SMARCAL1: variants seen among roughly 807,000 people sequenced by gnomAD.
SMARCAL1 encodes the protein SNF2 related chromatin remodeling annealing helicase 1.
In SMARCAL1, 58 loss-of-function variants were observed where a neutral mutation model predicts 94.5. That is an observed-to-expected ratio of 0.61 (90% CI 0.50 to 0.76). SMARCAL1 has a LOEUF of 0.76. Among genes scored for constraint, SMARCAL1 ranks in the 30% least tolerant of loss-of-function variants. The pLI, the probability that SMARCAL1 is intolerant of heterozygous loss-of-function variation, is 0.00. For missense variants in SMARCAL1, 1,051 were observed against 1,177.9 expected (o/e 0.89, Z 1.58); for synonymous variants, 422 against 455.1 (o/e 0.93, Z 0.93).
intron 12 of SMARCAL1, chr2:216,451,698 T>G (rs1334422581): frequency 6.4e-6 from 1 of 156,714 alleles, no homozygotes; most frequent in African/African-American, 2.4e-5. Context: ...TGCCCCTATA[T>G]TTTAGGACTG....
At chr2:216,413,620 G>A (rs377562493) in intron 1 of SMARCAL1, among the ~76,000 whole-genome samples, 6 of 152,044 alleles carry the variant, frequency 3.9e-5, no homozygotes, top group Admixed American at 6.6e-5. Flanking sequence ...TCTTTATGTA[G>A]CATCTTAATT....
chr2:216,421,097 C>T (rs759046535), intron 5 of SMARCAL1, among the ~76,000 whole-genome samples: 4 of 152,144 alleles, frequency 2.6e-5, no homozygotes, highest in Admixed American at 6.5e-5. Flanking sequence ...GTTCTGCTCT[C>T]GGCCTGCCCA....
intron 9 of SMARCAL1, among the ~76,000 whole-genome samples, chr2:216,435,716 T>C (rs1694066242): frequency 6.6e-6 from 1 of 152,304 alleles, no homozygotes; most frequent in Middle Eastern, 3.4e-3. Context: ...GAGCTTTTTT[T>C]GAAATTGTGA....
chr2:216,447,174 TCCCTCCCA>T lies in SMARCAL1; in HGVS notation c.1851+17_1851+24del. 6.3e-7 allele frequency: 1 copy of T among 1,579,304 alleles called. No individual in the cohort carries two copies. The highest frequency in any genetic ancestry group is 8.7e-7 in the Non-Finnish European group (1 of 1,150,194). ...TGCCAAACGGGTATGTATTATCTCT[TCCCTCCCA>T]GCCCACCCATTTCTCACCCTGATTT... On this transcript the variant is annotated intron_variant, in intron 11 of 17. Coordinates refer to ENST00000357276, the MANE Select transcript of SMARCAL1 (RefSeq NM_014140.4).
chr2:216,475,121 C>T lies in SMARCAL1; in HGVS notation c.2245-148C>T. Reference sequence around the variant, plus strand: ...CTGAGTATAAGCAGTCATCTCAATACCAATGTCAATTTGAAAAGAAAAGCT... The same window carrying T: ...CTGAGTATAAGCAGTCATCTCAATATCAATGTCAATTTGAAAAGAAAAGCT... On this transcript the variant is annotated intron_variant, in intron 14 of 17. Transcript: ENST00000357276. This position sits in a 1 kb window ranked among gnomAD's most constrained non-coding sequence, Gnocchi z 4.4. The T allele has an allele frequency of 1.4e-6, 1 of 698,616 alleles. No homozygotes were observed. The highest frequency in any genetic ancestry group is 2.7e-5 in the East Asian group (1 of 37,322). 43.3% of individuals were successfully genotyped at this position (698,616 alleles called of 1,614,324 possible). A position where few individuals can be genotyped will look rare whatever the true frequency, so the allele number is the denominator to read the frequency against.
chr2:216,444,087 A>T (rs1465223776), intron 10 of SMARCAL1, among the ~76,000 whole-genome samples: 1 of 152,190 alleles, frequency 6.6e-6, no homozygotes, highest in African/African-American at 2.4e-5. Flanking sequence ...AGATTGTATC[A>T]TGACCTCTGA....
At chr2:216,480,813 A>G (rs995988283) in intron 17 of SMARCAL1, among the ~76,000 whole-genome samples, 15 of 152,188 alleles carry the variant, frequency 9.9e-5, no homozygotes, top group African/African-American at 3.6e-4. Context: ...GCAACTGTAG[A>G]CTTGATGAGG....
At chr2:216,435,140 G>A (rs1694052475) in intron 8 of SMARCAL1, among the ~76,000 whole-genome samples, 198 bp from the exon 9 acceptor site, 1 of 152,070 alleles carries the variant, frequency 6.6e-6, no homozygotes, top group South Asian at 2.1e-4. Context: ...TTACAGGTGT[G>A]AGCGACCGCA....
intron 10 of SMARCAL1, among the ~76,000 whole-genome samples, chr2:216,442,129 A>G (rs1694209376): frequency 6.6e-6 from 1 of 152,054 alleles, no homozygotes; most frequent in African/African-American, 2.4e-5. Context: ...GATAAATTCA[A>G]ATGGGGCCGG....
chr2:216,462,955 T>C (rs753857498), intron 12 of SMARCAL1, among the ~76,000 whole-genome samples: 4 of 152,128 alleles, frequency 2.6e-5, no homozygotes, highest in South Asian at 4.1e-4. Context: ...GAGTCCAGCC[T>C]GGGTGACAGA....
intron 12 of SMARCAL1, among the ~76,000 whole-genome samples, chr2:216,454,620 C>G (rs764308676): frequency 5.9e-5 from 9 of 152,154 alleles, no homozygotes; most frequent in Non-Finnish European, 1.2e-4. Flanking sequence ...TGAGTTAATG[C>G]ATATTTAGTT....
Position 216,438,492 on chromosome 2 carries a change from ACTT to A in SMARCAL1, c.1710+10_1710+12del, listed in dbSNP as rs1416258969. ...AGCTATGCCGGTCCTAAAGGTGAGT[ACTT>A]CTGAGAACTGAGCCCACTGAGCATT... is the stretch of plus-strand genomic sequence containing the variant. On this transcript the variant is annotated splice_region_variant and intron_variant, in intron 10 of 17. Coordinates refer to ENST00000357276, the MANE Select transcript of SMARCAL1 (RefSeq NM_014140.4). 1.2e-6 allele frequency: 2 copies of A among 1,612,580 alleles called. No homozygotes were observed. Among genetic ancestry groups the A allele is most frequent in the Non-Finnish European group, 1.7e-6 (2 of 1,178,868 alleles).
intron 14 of SMARCAL1, among the ~76,000 whole-genome samples, chr2:216,474,697 C>T (rs1013904211): frequency 2.0e-5 from 3 of 151,594 alleles, no homozygotes; most frequent in Non-Finnish European, 2.9e-5. Flanking sequence ...CGGAGGTTGC[C>T]GTGAGCCAAG....
At chr2:216,432,671 A>G (rs1460533052) in intron 7 of SMARCAL1, 47 bp from the exon 8 acceptor site, 1 of 1,610,724 alleles carries the variant, frequency 6.2e-7, no homozygotes, top group East Asian at 2.2e-5. Context: ...AGGGCAGATG[A>G]ACTCATGCCC....
At chr2:216,462,159 T>G (rs1009514783) in intron 12 of SMARCAL1, among the ~76,000 whole-genome samples, 10 of 152,240 alleles carry the variant, frequency 6.6e-5, no homozygotes, top group Admixed American at 6.5e-4. Context: ...TTCTTCATAC[T>G]CTCATCAACT....
chr2:216,417,984 G>A (rs1460631980), intron 4 of SMARCAL1, among the ~76,000 whole-genome samples: 3 of 151,994 alleles, frequency 2.0e-5, no homozygotes, highest in African/African-American at 7.3e-5. Flanking sequence ...GCAGTGGTGC[G>A]ATCTTGGCTC....
In SMARCAL1 at chr2:216,477,277, T is replaced by C. The variant is rs284523; in HGVS notation, c.2528+68T>C. 0.32 allele frequency: 366,040 copies of C among 1,157,118 alleles called. 60,322 individuals are homozygous for C. Among genetic ancestry groups the C allele is most frequent in the African/African-American group, 0.49 (31,736 of 65,292 alleles). The allele number at this position is 1,157,118 out of a possible 1,614,324, so 71.7% of individuals were successfully genotyped here. On this transcript the variant is annotated intron_variant, in intron 16 of 17. Coordinates refer to ENST00000357276, the MANE Select transcript of SMARCAL1 (RefSeq NM_014140.4). ...GGTGGAAACTGATGATATGTTTACT[T>C]TGCTCCCAAAGTGCTTCTGCTTTTG...
chr2:216,477,103 A>G lies in SMARCAL1; in HGVS notation c.2428-6A>G. ...TACCTGCCTGTCTCAATTCCTGGAC[A>G]CACAGGTGCTGATCCAGGCTGAGGA... On this transcript the variant is annotated splice_region_variant and splice_polypyrimidine_tract_variant and intron_variant, in intron 15 of 17. Coordinates refer to ENST00000357276, the MANE Select transcript of SMARCAL1 (RefSeq NM_014140.4). The G allele has an allele frequency of 6.4e-7, 1 of 1,565,010 alleles. No individual in the cohort carries two copies. Among genetic ancestry groups the G allele is most frequent in the Non-Finnish European group, 8.7e-7 (1 of 1,154,602 alleles).
rs115098738 is a variant in SMARCAL1 at position 216,429,176 on chromosome 2, C to T, written c.1334+394C>T. Among the ~76,000 whole-genome samples, 1,347 of 152,312 alleles carry T rather than the reference C, an allele frequency of 8.8e-3. 25 individuals are homozygous for T. The highest frequency in any genetic ancestry group is 0.03 in the African/African-American group (1,241 of 41,558). ...TACTCAAGTGTGGCAGCTCGGGCCG[C>T]CAGGGGCTTCCAGCTTGCATTCTCA... is the stretch of plus-strand genomic sequence containing the variant. On this transcript the variant is annotated intron_variant, in intron 7 of 17. Coordinates refer to ENST00000357276, the MANE Select transcript of SMARCAL1 (RefSeq NM_014140.4).
Sources: allele counts gnomAD v4.1 joint callset (sites outside exome capture counted in the v4.1 genomes callset), GRCh38; gene constraint gnomAD v4.1.1; non-coding constraint Gnocchi (gnomAD v3.1); transcripts MANE v1.5; gene names NCBI Gene and HGNC (gene_info 2026-07-23, HGNC 2026-07-21).